Variants in UNK observed in about 807,000 individuals in gnomAD.
The protein encoded by UNK is RING finger protein unkempt homolog.
In UNK, 32 loss-of-function variants were observed where a neutral mutation model predicts 97.6. The ratio of observed to expected loss-of-function variants is 0.33; its 90% CI spans 0.25 to 0.44. The LOEUF (loss-of-function observed/expected upper bound fraction) is 0.44. UNK is among the 20% of genes least tolerant of loss of function. UNK has a pLI of 1.00. For missense variants in UNK, 771 were observed against 1,098.4 expected, an observed-to-expected ratio of 0.70 and a Z score of 4.21; for synonymous variants, 441 against 461.2, an observed-to-expected ratio of 0.96 and a Z score of 0.56.
chr17:75,820,727 C>G (rs752089058), intron 13 of UNK, among the ~76,000 whole-genome samples: 3 of 152,080 alleles, frequency 2.0e-5, no homozygotes, highest in Non-Finnish European at 4.4e-5. Flanking sequence ...GGCTGTGCAT[C>G]TCCTCTTGTG....
chr17:75,816,922 C>A lies in UNK; in HGVS notation c.1104+10C>A, dbSNP rs1323796212. 1 of 1,597,308 alleles carries A rather than the reference C, an allele frequency of 6.3e-7. No individual in the cohort carries two copies. The highest frequency in any genetic ancestry group is 1.7e-4 in the Middle Eastern group (1 of 6,044). ...CCCTGACCTCAGTGCCGTACGTGTC[C>A]ATCCTGGGGAGTGGGTGGGCACCAT... is the stretch of plus-strand genomic sequence containing the variant. On this transcript the variant is annotated intron_variant, in intron 8 of 15. Coordinates refer to ENST00000589666, the MANE Select transcript of UNK (RefSeq NM_001080419.3). This position sits in a 1 kb window ranked among gnomAD's most constrained non-coding sequence, Gnocchi z 4.0.
intron 1 of UNK, among the ~76,000 whole-genome samples, chr17:75,800,129 C>T (rs2061842447): frequency 6.6e-6 from 1 of 152,126 alleles, no homozygotes; most frequent in Admixed American, 6.5e-5. Flanking sequence ...AGTGCAGTGG[C>T]ACAATCTTGG....
In UNK at chr17:75,825,350, A is replaced by T. The variant is rs2062109416; in HGVS notation, c.*933A>T. 6.6e-6 allele frequency: 1 copy of T among 152,320 alleles called. No individual in the cohort carries two copies. Among genetic ancestry groups the T allele is most frequent in the Non-Finnish European group, 1.5e-5 (1 of 68,022 alleles). 9.4% of individuals were successfully genotyped at this position (152,320 alleles called of 1,614,324 possible). A position where few individuals can be genotyped will look rare whatever the true frequency, so the allele number is the denominator to read the frequency against. On this transcript the variant is annotated 3_prime_UTR_variant, in exon 16 of 16. Transcript: ENST00000589666. This position sits in a 1 kb window ranked among gnomAD's most constrained non-coding sequence, Gnocchi z 4.4. ...TCCCCTCTCTGGCAGCTAGCAGGGC[A>T]ATTGGCGGGGAGGAGTGCGGACTGA...
chr17:75,819,908 CCT>C lies in UNK; in HGVS notation c.1649-7_1649-6del. The C allele has an allele frequency of 1.2e-6, 2 of 1,605,430 alleles. No homozygotes were observed. Among genetic ancestry groups the C allele is most frequent in the Non-Finnish European group, 1.7e-6 (2 of 1,175,454 alleles). On this transcript the variant is annotated splice_polypyrimidine_tract_variant and intron_variant, in intron 12 of 15. Coordinates refer to ENST00000589666, the MANE Select transcript of UNK (RefSeq NM_001080419.3). The surrounding 1 kb of genome is among the most constrained non-coding windows in gnomAD (Gnocchi z 5.4). Reference sequence around the variant, plus strand: ...CCTCACCCAGCCCGTCCTCCCCGGGCCTCTCTTGCAGGCGGCAGCTTGCTGCA... The same window carrying C: ...CCTCACCCAGCCCGTCCTCCCCGGGCCTCTTGCAGGCGGCAGCTTGCTGCA...
rs919039734 is a variant in UNK, at chr17:75,824,208, C to T, written c.2278-54C>T. 13 of 1,506,772 alleles carry T rather than the reference C, an allele frequency of 8.6e-6. No homozygotes were observed. Among genetic ancestry groups the T allele is most frequent in the Non-Finnish European group, 1.2e-5 (13 of 1,121,998 alleles). 93.3% of individuals were successfully genotyped at this position (1,506,772 alleles called of 1,614,324 possible). On this transcript the variant is annotated intron_variant, in intron 15 of 15. Transcript: ENST00000589666. This position sits in a 1 kb window ranked among gnomAD's most constrained non-coding sequence, Gnocchi z 4.9. Reference sequence around the variant, plus strand: ...CAGTGAGGATCAAGGGAACTCCTCGCTCAACTTGGGGCCAGACCCATGGAT... The same window carrying T: ...CAGTGAGGATCAAGGGAACTCCTCGTTCAACTTGGGGCCAGACCCATGGAT...
chr17:75,823,384 C>T lies in UNK; in HGVS notation c.2139C>T (p.Leu713=). ...CACTGGAGGTGCAGGTGAAGAAGCT[C>T]CAGGAGGAGCTGGAGCGGCTACACG... ...RDALEVQVKK[L]QEELERLHAG... Residue 713 remains leucine, a synonymous_variant, in exon 15 of 16, where the codon CTC becomes CTT. Coordinates refer to ENST00000589666, the MANE Select transcript of UNK (RefSeq NM_001080419.3). The T allele has an allele frequency of 1.9e-6, 3 of 1,610,534 alleles. No individual in the cohort carries two copies. Among genetic ancestry groups the T allele is most frequent in the Non-Finnish European group, 1.7e-6 (2 of 1,178,600 alleles).
At chr17:75,802,984 C>T (rs935124240) in intron 1 of UNK, among the ~76,000 whole-genome samples, 3 of 96,998 alleles carry the variant, frequency 3.1e-5, no homozygotes, top group Non-Finnish European at 5.3e-5. Context: ...AATTACAGGC[C>T]GGACGCGGTG....
At chr17:75,807,830 C>T (rs562704742) in intron 1 of UNK, among the ~76,000 whole-genome samples, 1 of 152,208 alleles carries the variant, frequency 6.6e-6, no homozygotes, top group Non-Finnish European at 1.5e-5. Context: ...CTCAGGTGAT[C>T]CGCCCGCCCC....
rs1446903208 is a variant in UNK at position 75,819,822 on chromosome 17, T to C, written c.1648+37T>C. 5 of 1,612,108 alleles carry C rather than the reference T, an allele frequency of 3.1e-6. No homozygotes were observed. The highest frequency in any genetic ancestry group is 1.7e-6 in the Non-Finnish European group (2 of 1,178,910). Reference sequence around the variant, plus strand: ...GGGTGGGCAGGGCAGCCTGGAGGACTCCTCGGGTTCCTGCCTGGCTCAGGC... The same window carrying C: ...GGGTGGGCAGGGCAGCCTGGAGGACCCCTCGGGTTCCTGCCTGGCTCAGGC... On this transcript the variant is annotated intron_variant, in intron 12 of 15. Transcript: ENST00000589666. This position sits in a 1 kb window ranked among gnomAD's most constrained non-coding sequence, Gnocchi z 5.4.
intron 2 of UNK, among the ~76,000 whole-genome samples, chr17:75,810,858 C>T (rs147022598): frequency 1.3e-5 from 2 of 152,220 alleles, no homozygotes; most frequent in Admixed American, 6.5e-5. Context: ...CTAGTCTCGA[C>T]CTCCTGACCT....
Position 75,818,830 on chromosome 17 carries a change from TTC to T in UNK, c.1546+16_1546+17del, listed in dbSNP as rs1267988147. The T allele has an allele frequency of 1.3e-6, 2 of 1,573,354 alleles. No homozygotes were observed. The highest frequency in any genetic ancestry group is 1.7e-6 in the Non-Finnish European group (2 of 1,157,428). On this transcript the variant is annotated intron_variant, in intron 11 of 15. Coordinates refer to ENST00000589666, the MANE Select transcript of UNK (RefSeq NM_001080419.3). The surrounding 1 kb of genome is among the most constrained non-coding windows in gnomAD (Gnocchi z 5.1). ...AGTCAGTCATAGGTAACTAGGCCATTTCTGTTTGAAAGCCCAGGACTGGGTCT... is the reference window on the plus strand; with the variant it reads ...AGTCAGTCATAGGTAACTAGGCCATTTGTTTGAAAGCCCAGGACTGGGTCT...
Position 75,792,378 on chromosome 17 carries a change from A to G in UNK, c.104+7394A>G, listed in dbSNP as rs2061770432. 5 of 985,242 alleles carry G rather than the reference A, an allele frequency of 5.1e-6. No homozygotes were observed. In the African/African-American group the frequency reaches 7.0e-5, roughly 14 times the overall value. The allele number at this position is 985,242 out of a possible 1,614,324, so 61.0% of individuals were successfully genotyped here. On this transcript the variant is annotated intron_variant, in intron 1 of 15. Transcript: ENST00000589666. ...GCATCTTCTCTGTTTTGAGATTGCA[A>G]CTATGGACAGTTATGGCTAATCCTA...
chr17:75,800,686 G>A (rs1430538989), intron 1 of UNK, among the ~76,000 whole-genome samples: 3 of 151,272 alleles, frequency 2.0e-5, no homozygotes, highest in Admixed American at 1.3e-4. Flanking sequence ...GCAGTGAGCT[G>A]AGATCGCGCC....
At chr17:75,793,084 C>T (rs1271937279) in intron 1 of UNK, among the ~76,000 whole-genome samples, 4 of 152,190 alleles carry the variant, frequency 2.6e-5, no homozygotes, top group African/African-American at 7.2e-5. Flanking sequence ...ATTCAGAAAA[C>T]AAGTTTGAGA....
intron 1 of UNK, among the ~76,000 whole-genome samples, chr17:75,787,748 C>A (rs2061725851): frequency 6.6e-6 from 1 of 151,636 alleles, no homozygotes; most frequent in African/African-American, 2.4e-5. Context: ...TCGCTTGAAC[C>A]CAGGAGGCAG....
chr17:75,784,834 G>T lies in UNK; in HGVS notation c.-47G>T, dbSNP rs576724976. 1 of 1,589,122 alleles carries T rather than the reference G, an allele frequency of 6.3e-7. No individual in the cohort carries two copies. The highest frequency in any genetic ancestry group is 1.1e-5 in the South Asian group (1 of 90,384). On this transcript the variant is annotated 5_prime_UTR_variant, in exon 1 of 16. Coordinates refer to ENST00000589666, the MANE Select transcript of UNK (RefSeq NM_001080419.3). ...CTGGGTCCTCGGCGCGGACCGCGCA[G>T]ACTGAATAATAAAAGGGGAGCGGCG...
intron 1 of UNK, chr17:75,785,484 C>G (rs2143650116): frequency 6.5e-6 from 1 of 153,204 alleles, no homozygotes; most frequent in Admixed American, 6.5e-5. Flanking sequence ...GCCACACTTG[C>G]TTGAATTCAC....
chr17:75,794,191 A>G (rs1175075502), intron 1 of UNK: 1 of 966,268 alleles, frequency 1.0e-6, no homozygotes, highest in Non-Finnish European at 1.2e-6. Flanking sequence ...AGAGCATGCT[A>G]AAGTGAACAT....
chr17:75,823,195 A>C (rs2062084860), intron 14 of UNK, 70 bp from the exon 15 acceptor site: 2 of 1,500,798 alleles, frequency 1.3e-6, no homozygotes. Flanking sequence ...GTGGCCCCCA[A>C]AAGATGATGC....
Sources: gnomAD v4.1 joint callset for allele counts (sites outside exome capture counted in the v4.1 genomes callset) on GRCh38, gnomAD v4.1.1 for gene constraint, Gnocchi (gnomAD v3.1) non-coding constraint, MANE v1.5 for transcripts, NCBI Gene and HGNC (gene_info 2026-07-23, HGNC 2026-07-21) for gene names.